Variants in INF2 observed in about 807,000 individuals in gnomAD.
The protein encoded by INF2 is inverted formin-2.
In INF2, 43 loss-of-function variants were observed where a neutral mutation model predicts 123.5. That is an observed-to-expected ratio of 0.35 (90% CI 0.27 to 0.45). INF2 has a LOEUF of 0.45. Among genes scored for constraint, INF2 ranks in the 20% least tolerant of loss-of-function variants. The pLI, the probability that INF2 is intolerant of heterozygous loss-of-function variation, is 1.00. For synonymous variants in INF2, 851 were observed against 745.0 expected (o/e 1.14, Z -2.32); for missense variants, 1,453 against 1,682.7 (o/e 0.86, Z 2.39).
intron 4 of INF2, 115 bp from the exon 5 acceptor site, chr14:104,703,801 C>T (rs1474491143): frequency 1.3e-6 from 2 of 1,567,306 alleles, no homozygotes; most frequent in Non-Finnish European, 1.7e-6. Flanking sequence ...AGCCTCAGGT[C>T]TCTGGTGTCC....
rs145742634 is a variant in INF2, at chr14:104,706,995, T to A, written c.929T>A (p.Leu310Gln). The A allele has an allele frequency of 1.3e-6, 2 of 1,597,686 alleles. No individual in the cohort carries two copies. Among genetic ancestry groups the A allele is most frequent in the Non-Finnish European group, 1.7e-6 (2 of 1,178,290 alleles). The change falls in exon 7 of 23, where the codon CTG becomes CAG. Residue 310 changes from leucine to glutamine, a missense_variant. Leu to Gln is a moderately radical substitution (Grantham distance 113). Coordinates refer to ENST00000392634, the MANE Select transcript of INF2 (RefSeq NM_022489.4). Reference sequence around the variant, plus strand: ...GAGCCCACCCTCCGCTCCAGCCAGCTGCTCTGGGAGGCCCTGGAGAGCCTC... The same window carrying A: ...GAGCCCACCCTCCGCTCCAGCCAGCAGCTCTGGGAGGCCCTGGAGAGCCTC... ...HLEPTLRSSQLLWEALESLVN... is the reference protein window; with the variant it reads ...HLEPTLRSSQQLWEALESLVN...
intron 11 of INF2, 65 bp from the exon 12 acceptor site, chr14:104,709,555 C>T (rs757224383): frequency 1.1e-5 from 16 of 1,462,972 alleles, no homozygotes; most frequent in Middle Eastern, 1.7e-4. Flanking sequence ...CTGAGCCCGG[C>T]GGGCAGTCCG....
intron 1 of INF2, among the ~76,000 whole-genome samples, chr14:104,697,672 C>T (rs1383101703): frequency 6.6e-6 from 1 of 152,252 alleles, no homozygotes; most frequent in African/African-American, 2.4e-5. Context: ...TGGCCAGGCC[C>T]AGGCCCAGAG....
rs542477703 is a variant in INF2 at position 104,684,462 on chromosome 14, C to G, written c.-104+2880C>G. 4.1e-4 allele frequency: 82 copies of G among 201,514 alleles called. No homozygotes were observed. The highest frequency in any genetic ancestry group is 6.6e-4 in the Non-Finnish European group (65 of 98,108). 12.5% of individuals were successfully genotyped at this position (201,514 alleles called of 1,614,324 possible). A position where few individuals can be genotyped will look rare whatever the true frequency, so the allele number is the denominator to read the frequency against. Reference sequence around the variant, plus strand: ...TGCACACCACCGCGTGGATGAGTCTCAGAGACTGTGGAGCGAAAGAAGCCA... The same window carrying G: ...TGCACACCACCGCGTGGATGAGTCTGAGAGACTGTGGAGCGAAAGAAGCCA... On this transcript the variant is annotated intron_variant, in intron 1 of 2. Transcript: ENST00000674723. This position sits in a 1 kb window ranked among gnomAD's most constrained non-coding sequence, Gnocchi z 5.0.
intron 1 of INF2, among the ~76,000 whole-genome samples, chr14:104,695,637 T>TC (rs1384381690): frequency 6.0e-5 from 7 of 116,952 alleles, no homozygotes; most frequent in African/African-American, 2.0e-4. Context: ...GTTTGCTGCA[T>TC]CCCCCTACCC....
At chr14:104,713,698 CCT>C (rs1890161346) in intron 20 of INF2, 92 bp downstream of exon 20, 1 of 1,415,992 alleles carries the variant, frequency 7.1e-7, no homozygotes, top group Non-Finnish European at 9.6e-7. Context: ...ACTGGAAAGC[CCT>C]CTCCTCTCCC....
At chr14:104,706,372 C>T (rs1331160851) in intron 6 of INF2, among the ~76,000 whole-genome samples, 196 bp downstream of exon 6, 3 of 152,084 alleles carry the variant, frequency 2.0e-5, no homozygotes, top group East Asian at 1.9e-4. Context: ...GCGCCTAGAG[C>T]GGGCAGCCTG....
At chr14:104,696,767 G>T (rs879676052) in intron 1 of INF2, among the ~76,000 whole-genome samples, 1 of 152,140 alleles carries the variant, frequency 6.6e-6, no homozygotes, top group Admixed American at 6.5e-5. Flanking sequence ...GGCAGCCCCT[G>T]CCTCCTAGTT....
intron 1 of INF2, among the ~76,000 whole-genome samples, chr14:104,682,922 GCT>G (rs1566767699): frequency 1.3e-5 from 2 of 152,070 alleles, no homozygotes; most frequent in Non-Finnish European, 2.9e-5. Context: ...TGCGCTAGTG[GCT>G]GGGGCCTCCG....
chr14:104,681,508 C>T (rs1888523380), exon 1 of INF2: 2 of 1,218,154 alleles, frequency 1.6e-6, no homozygotes, highest in South Asian at 1.3e-5. Context: ...CGGGCACCAG[C>T]GCCCCCTCTC....
upstream of INF2, among the ~76,000 whole-genome samples, chr14:104,688,159 G>A (rs1368256509): frequency 1.3e-5 from 2 of 152,274 alleles, no homozygotes; most frequent in Non-Finnish European, 2.9e-5. Flanking sequence ...TAGGAGCAGC[G>A]GCCGCCCAGG....
At position 104,706,987 on chromosome 14, in the gene INF2, C is replaced by T. The variant is rs1212636165; in HGVS notation, c.921C>T (p.Ser307=). 1.3e-6 allele frequency: 2 copies of T among 1,599,032 alleles called. No individual in the cohort carries two copies. The highest frequency in any genetic ancestry group is 2.2e-5 in the East Asian group (1 of 44,788). Residue 307 remains serine (S), a synonymous_variant, in exon 7 of 23, where the codon TCC becomes TCT. Coordinates refer to ENST00000392634, the MANE Select transcript of INF2 (RefSeq NM_022489.4). ...TGCACCTGGAGCCCACCCTCCGCTC[C>T]AGCCAGCTGCTCTGGGAGGCCCTGG... ...GLLHLEPTLR[S]SQLLWEALES...
intron 22 of INF2, among the ~76,000 whole-genome samples, chr14:104,717,123 C>G (rs1392139988): frequency 1.3e-5 from 2 of 152,242 alleles, no homozygotes; most frequent in African/African-American, 4.8e-5. Context: ...TACATTGCCC[C>G]CCTCCAACTG....
At chr14:104,717,781 A>ACTC (rs1890381587) in intron 22 of INF2, 4 of 152,198 alleles carry the variant, frequency 2.6e-5, no homozygotes, top group South Asian at 4.1e-4. Context: ...CACTGCACGA[A>ACTC]CACCACGCTG....
chr14:104,682,562 C>T (rs546738098), intron 1 of INF2, among the ~76,000 whole-genome samples: 4 of 152,138 alleles, frequency 2.6e-5, no homozygotes, highest in Non-Finnish European at 5.9e-5. Context: ...GTGGGGAAGG[C>T]AGAGCGGGCT....
chr14:104,710,565 CACAG>C (rs1246825410), intron 13 of INF2, among the ~76,000 whole-genome samples: 4 of 152,064 alleles, frequency 2.6e-5, no homozygotes, highest in Admixed American at 6.5e-5. Flanking sequence ...ACACAGGACA[CACAG>C]ACACACGTAC....
intron 1 of INF2, among the ~76,000 whole-genome samples, chr14:104,697,780 C>T (rs986849744): frequency 1.9e-4 from 29 of 152,374 alleles, no homozygotes; most frequent in African/African-American, 6.7e-4. Context: ...TGCTGAAGAA[C>T]CATGGTGATG....
rs1252948549 is a variant in INF2 at position 104,684,251 on chromosome 14, C to T, written c.-104+2669C>T. Reference sequence around the variant, plus strand: ...AGGCTGGGGAGGGACAGCTCGAGGGCTCACTGGAGGTCAGCAGGGAGGTGG... The same window carrying T: ...AGGCTGGGGAGGGACAGCTCGAGGGTTCACTGGAGGTCAGCAGGGAGGTGG... On this transcript the variant is annotated intron_variant, in intron 1 of 2. Transcript: ENST00000674723. This position sits in a 1 kb window ranked among gnomAD's most constrained non-coding sequence, Gnocchi z 5.0. The T allele has an allele frequency of 4.8e-6, 2 of 417,532 alleles. No homozygotes were observed. Among genetic ancestry groups the T allele is most frequent in the Non-Finnish European group, 9.7e-6 (2 of 206,094 alleles). 25.9% of individuals were successfully genotyped at this position (417,532 alleles called of 1,614,324 possible). A position where few individuals can be genotyped will look rare whatever the true frequency, so the allele number is the denominator to read the frequency against.
chr14:104,711,490 G>A (rs896667520), intron 15 of INF2, 139 bp from the exon 16 acceptor site: 19 of 786,604 alleles, frequency 2.4e-5, no homozygotes, highest in Non-Finnish European at 4.2e-5. Flanking sequence ...AGGCCCAAGG[G>A]AAAGATTTGA....
Sources: gnomAD v4.1 joint callset for allele counts (sites outside exome capture counted in the v4.1 genomes callset) on GRCh38, gnomAD v4.1.1 for gene constraint, Gnocchi (gnomAD v3.1) non-coding constraint, MANE v1.5 for transcripts, NCBI Gene and HGNC (gene_info 2026-07-23, HGNC 2026-07-21) for gene names.